The following HEMK2 variants were observed in gnomAD, a reference collection of about 807,000 sequenced individuals.
The protein encoded by HEMK2 is methyltransferase HEMK2.
At chr21:28,624,636 T>G in the HEMK2 span, among the ~76,000 whole-genome samples, 1 of 152,300 alleles carries the variant, frequency 6.6e-6, no homozygotes, top group South Asian at 2.1e-4. Flanking sequence ...CTATGATTAT[T>G]TGGGATCTAG....
chr21:28,811,987 G>A, the HEMK2 span, among the ~76,000 whole-genome samples: 3 of 152,142 alleles, frequency 2.0e-5, no homozygotes, highest in Non-Finnish European at 4.4e-5. Flanking sequence ...TCAGAAAGGT[G>A]GAAAAATCCT....
At chr21:28,751,836 C>T in the HEMK2 span, among the ~76,000 whole-genome samples, 14 of 152,140 alleles carry the variant, frequency 9.2e-5, no homozygotes, top group South Asian at 4.1e-4. Context: ...TATGCCATTA[C>T]GTCCAGCTAA....
chr21:28,685,346 CA>C, the HEMK2 span, among the ~76,000 whole-genome samples: 50,567 of 151,954 alleles, frequency 0.33, 9,656 homozygotes, highest in African/African-American at 0.51. Flanking sequence ...CTTTATGTCC[CA>C]AAAGCCAGTA....
the HEMK2 span, among the ~76,000 whole-genome samples, chr21:28,824,580 T>G: frequency 6.6e-6 from 1 of 152,156 alleles, no homozygotes; most frequent in Non-Finnish European, 1.5e-5. Flanking sequence ...AGATTAGTAC[T>G]CCGCCTGAGA....
At chr21:28,685,703 T>C in the HEMK2 span, among the ~76,000 whole-genome samples, 1 of 152,170 alleles carries the variant, frequency 6.6e-6, no homozygotes, top group Non-Finnish European at 1.5e-5. Context: ...TAAGGAAACA[T>C]GTTCTGTATA....
the HEMK2 span, among the ~76,000 whole-genome samples, chr21:28,842,620 C>A: frequency 6.6e-6 from 1 of 152,098 alleles, no homozygotes; most frequent in Non-Finnish European, 1.5e-5. Flanking sequence ...TACTCCTTCT[C>A]CCCACCTAAC....
At chr21:28,742,576 C>T in the HEMK2 span, among the ~76,000 whole-genome samples, 1 of 151,384 alleles carries the variant, frequency 6.6e-6, no homozygotes, top group African/African-American at 2.4e-5. Context: ...TAGTACAGGC[C>T]ATGAGAGTAA....
At chr21:28,728,866 G>A in the HEMK2 span, among the ~76,000 whole-genome samples, 4 of 151,902 alleles carry the variant, frequency 2.6e-5, no homozygotes, top group African/African-American at 9.7e-5. Flanking sequence ...CCAGGACACA[G>A]ATCTCTCCCT....
At chr21:28,645,001 A>G in the HEMK2 span, among the ~76,000 whole-genome samples, 1 of 152,186 alleles carries the variant, frequency 6.6e-6, no homozygotes, top group Non-Finnish European at 1.5e-5. Context: ...CTGAATGTGC[A>G]TGCCCTTGGG....
the HEMK2 span, among the ~76,000 whole-genome samples, chr21:28,678,076 T>A: frequency 3.9e-5 from 6 of 152,310 alleles, no homozygotes; most frequent in African/African-American, 1.4e-4. Flanking sequence ...AGAAGAAGGC[T>A]TCAGACGATC....
At chr21:28,755,144 T>G in the HEMK2 span, among the ~76,000 whole-genome samples, 62 of 152,242 alleles carry the variant, frequency 4.1e-4, no homozygotes, top group Admixed American at 3.7e-3. Context: ...GAGGTCTTCA[T>G]CATCACCAGG....
the HEMK2 span, among the ~76,000 whole-genome samples, chr21:28,707,256 ATT>A: frequency 1.2e-4 from 17 of 140,074 alleles, no homozygotes; most frequent in South Asian, 2.3e-4. Context: ...CACAATTTTA[ATT>A]TTTTTTTTTT....
At chr21:28,655,500 A>G in the HEMK2 span, among the ~76,000 whole-genome samples, 1 of 152,066 alleles carries the variant, frequency 6.6e-6, no homozygotes, top group Non-Finnish European at 1.5e-5. Context: ...TGAATTAAAA[A>G]CTCTTTGAGG....
At chr21:28,617,790 CT>C in the HEMK2 span, among the ~76,000 whole-genome samples, 24,577 of 147,706 alleles carry the variant, frequency 0.17, 2,583 homozygotes, top group African/African-American at 0.3. Flanking sequence ...TCTTGACTGC[CT>C]TTTTTTTTTT....
chr21:28,807,858 AT>A, the HEMK2 span, among the ~76,000 whole-genome samples: 1 of 151,992 alleles, frequency 6.6e-6, no homozygotes, highest in Non-Finnish European at 1.5e-5. Flanking sequence ...CTAATGATTA[AT>A]TTTTTTCCCA....
chr21:28,611,549 G>T, the HEMK2 span, among the ~76,000 whole-genome samples: 1 of 152,042 alleles, frequency 6.6e-6, no homozygotes, highest in East Asian at 1.9e-4. Flanking sequence ...AATAGACTCT[G>T]AACAGACCAA....
At chr21:28,595,773 CTTTATTTATTTA>C in the HEMK2 span, among the ~76,000 whole-genome samples, 1 of 149,330 alleles carries the variant, frequency 6.7e-6, no homozygotes, top group African/African-American at 2.5e-5. Flanking sequence ...TTTTATTTTA[CTTTATTTATTTA>C]TTTATTTATT....
chr21:28,882,379 CAAT>C, the HEMK2 span: 3 of 572,338 alleles, frequency 5.2e-6, no homozygotes, highest in Non-Finnish European at 6.1e-6. Flanking sequence ...AGAACGTATT[CAAT>C]AATGGCAAAG....
the HEMK2 span, among the ~76,000 whole-genome samples, chr21:28,858,990 T>C: frequency 0.16 from 23,649 of 152,272 alleles, 2,256 homozygotes; most frequent in East Asian, 0.49. Flanking sequence ...AATTCTTTAA[T>C]TGATGCTATT....
Sources: gnomAD v4.1 joint callset for allele counts (sites outside exome capture counted in the v4.1 genomes callset) on GRCh38, gnomAD v4.1.1 for gene constraint, MANE v1.5 for transcripts, NCBI Gene and HGNC (gene_info 2026-07-23, HGNC 2026-07-21) for gene names.